TDRD3: variants seen among roughly 807,000 people sequenced by gnomAD.
TDRD3 encodes tudor domain-containing protein 3.
Under a neutral mutation model 86.7 loss-of-function variants are expected in TDRD3, and 45 were observed. That is an observed-to-expected ratio of 0.52 (90% confidence interval 0.41 to 0.67). TDRD3 has a LOEUF of 0.67. Among genes scored for constraint, TDRD3 ranks in the 30% least tolerant of loss-of-function variants. The pLI is 0.00. For missense variants in TDRD3, 814 were observed against 889.0 expected, an observed-to-expected ratio of 0.92 and a Z score of 1.07; for synonymous variants, 298 against 301.7, an observed-to-expected ratio of 0.99 and a Z score of 0.13.
At chr13:60,557,198 C>G (rs1359356749) in intron 12 of TDRD3, among the ~76,000 whole-genome samples, 2 of 111,398 alleles carry the variant, frequency 1.8e-5, no homozygotes, top group Non-Finnish European at 3.5e-5. Context: ...AAGAGCGAAA[C>G]TCTGTCTCAA....
At chr13:60,538,769 T>C (rs1016095246) in intron 12 of TDRD3, among the ~76,000 whole-genome samples, 1 of 152,114 alleles carries the variant, frequency 6.6e-6, no homozygotes, top group Non-Finnish European at 1.5e-5. Context: ...CCACAGGCAA[T>C]TTGGAGGCTT....
intron 5 of TDRD3, among the ~76,000 whole-genome samples, chr13:60,483,544 G>T (rs375111812): frequency 1.1e-4 from 17 of 152,218 alleles, no homozygotes; most frequent in African/African-American, 3.4e-4. Context: ...ATTTCTGAAA[G>T]CTTTATGTGA....
intron 4 of TDRD3, among the ~76,000 whole-genome samples, chr13:60,466,408 A>G (rs1452379303): frequency 6.6e-6 from 1 of 152,174 alleles, no homozygotes; most frequent in East Asian, 1.9e-4. Context: ...TCTTTATCAC[A>G]GCTTAGTGAC....
At chr13:60,511,731 A>T (rs1356800042) in intron 10 of TDRD3, among the ~76,000 whole-genome samples, 2 of 152,046 alleles carry the variant, frequency 1.3e-5, no homozygotes, top group African/African-American at 4.8e-5. Flanking sequence ...AGCAGAATTC[A>T]TTTTCTTGTG....
intron 5 of TDRD3, 137 bp downstream of exon 5, chr13:60,467,516 ACTATCTTT>A: frequency 3.2e-6 from 3 of 949,126 alleles, no homozygotes; most frequent in Non-Finnish European, 4.6e-6. Flanking sequence ...CTTTAGAGAA[ACTATCTTT>A]GTCTAAGTGT....
Position 60,509,509 on chromosome 13 carries a change from A to G in TDRD3, c.859-254A>G, listed in dbSNP as rs1402548436. The G allele has an allele frequency of 1.2e-5, 5 of 416,904 alleles. No homozygotes were observed. The Admixed American group carries it at 1.6e-4, about 13-fold the overall frequency. 25.8% of individuals were successfully genotyped at this position (416,904 alleles called of 1,614,324 possible). On this transcript the variant is annotated intron_variant, in intron 8 of 13. Coordinates refer to ENST00000377881, the MANE Select transcript of TDRD3 (RefSeq NM_001146070.2). ...TTCAAAGGCCATACTCTAACATATC[A>G]TAAAATTTATTTTTTGTGTGTTGCT...
At chr13:60,404,748 G>T (rs969787033) in intron 1 of TDRD3, among the ~76,000 whole-genome samples, 1 of 152,150 alleles carries the variant, frequency 6.6e-6, no homozygotes, top group African/African-American at 2.4e-5. Flanking sequence ...GGGATTACAG[G>T]TGCCCACCAC....
intron 1 of TDRD3, among the ~76,000 whole-genome samples, chr13:60,431,332 TTAGC>T (rs1280400286): frequency 1.3e-5 from 2 of 152,006 alleles, no homozygotes; most frequent in African/African-American, 2.4e-5. Flanking sequence ...GCTTTCACAA[TTAGC>T]TAGCTGATAG....
rs537430663 is a variant in TDRD3, at chr13:60,547,294, A to AAAGGGATC, written c.2118+12062_2118+12069dup. 4.8e-4 allele frequency: 477 copies of AAAGGGATC among 985,414 alleles called. 3 individuals carry two copies. In the African/African-American group the frequency reaches 7.9e-3, roughly 16 times the overall value. 61.0% of individuals were successfully genotyped at this position (985,414 alleles called of 1,614,324 possible). A position where few individuals can be genotyped will look rare whatever the true frequency, so the allele number is the denominator to read the frequency against. ...GCTTTATCCTGAAAGGATTTGGTGAAAAGGGATCTCTGAGGTGAATATCTG... is the reference window on the plus strand; with the variant it reads ...GCTTTATCCTGAAAGGATTTGGTGAAAAGGGATCAAGGGATCTCTGAGGTGAATATCTG... On this transcript the variant is annotated intron_variant, in intron 12 of 13. Coordinates refer to ENST00000377881, the MANE Select transcript of TDRD3 (RefSeq NM_001146070.2).
chr13:60,438,988 G>A (rs1257106884), intron 1 of TDRD3, among the ~76,000 whole-genome samples: 2 of 152,086 alleles, frequency 1.3e-5, no homozygotes, highest in South Asian at 4.1e-4. Context: ...ATGGGTATGG[G>A]TAGAGACGAA....
At chr13:60,556,175 T>C (rs958676288) in intron 12 of TDRD3, among the ~76,000 whole-genome samples, 7 of 152,190 alleles carry the variant, frequency 4.6e-5, no homozygotes, top group African/African-American at 1.7e-4. Flanking sequence ...TATTATTCCA[T>C]TGCTAAAAGA....
intron 12 of TDRD3, among the ~76,000 whole-genome samples, chr13:60,541,919 G>A (rs1237940888): frequency 6.6e-6 from 1 of 151,364 alleles, no homozygotes; most frequent in Non-Finnish European, 1.5e-5. Flanking sequence ...TAGAGACAGG[G>A]TTTCTCCATG....
intron 1 of TDRD3, among the ~76,000 whole-genome samples, chr13:60,405,320 G>C (rs1204136974): frequency 6.6e-6 from 1 of 152,022 alleles, no homozygotes; most frequent in Non-Finnish European, 1.5e-5. Flanking sequence ...TCTTAGTATA[G>C]TCAGATATAG....
chr13:60,509,206 G>T (rs1158783274), intron 8 of TDRD3, among the ~76,000 whole-genome samples: 1 of 151,998 alleles, frequency 6.6e-6, no homozygotes, highest in Non-Finnish European at 1.5e-5. Context: ...AAAGAGATTT[G>T]GATTCTGGCA....
At chr13:60,511,338 A>T (rs756010364) in intron 10 of TDRD3, among the ~76,000 whole-genome samples, 3 of 152,226 alleles carry the variant, frequency 2.0e-5, no homozygotes, top group Non-Finnish European at 4.4e-5. Context: ...TTTCTCATTC[A>T]GATATATTTT....
At chr13:60,569,492 G>GATTT (rs1958535110) in intron 13 of TDRD3, among the ~76,000 whole-genome samples, 1 of 152,096 alleles carries the variant, frequency 6.6e-6, no homozygotes. Context: ...TAAAATGACA[G>GATTT]TACTACCCAA....
chr13:60,550,077 G>A (rs1024589748), intron 12 of TDRD3, among the ~76,000 whole-genome samples: 1 of 151,932 alleles, frequency 6.6e-6, no homozygotes, highest in African/African-American at 2.4e-5. Context: ...GTTCAAAAAA[G>A]AACCTAAACA....
chr13:60,553,798 G>C (rs1373899074), intron 12 of TDRD3, among the ~76,000 whole-genome samples: 4 of 152,068 alleles, frequency 2.6e-5, no homozygotes, highest in Admixed American at 2.6e-4. Context: ...TCCCTCCATT[G>C]ACATGTGGGG....
At chr13:60,396,042 T>G (rs1411327381), upstream of TDRD3, among the ~76,000 whole-genome samples, 5 of 152,168 alleles carry the variant, frequency 3.3e-5, no homozygotes, top group African/African-American at 1.2e-4. Context: ...TTAAGGAATT[T>G]TAGCTCCACC....
Sources: gnomAD v4.1 joint callset for allele counts (sites outside exome capture counted in the v4.1 genomes callset) on GRCh38, gnomAD v4.1.1 for gene constraint, MANE v1.5 for transcripts, NCBI Gene and HGNC (gene_info 2026-07-23, HGNC 2026-07-21) for gene names.